DCUN1D1: variants seen among roughly 807,000 people sequenced by gnomAD.
The protein encoded by DCUN1D1 is DCN1-like protein 1.
DCUN1D1 carries 3 observed loss-of-function variants against 39.0 expected under a neutral mutation model. That is an observed-to-expected ratio of 0.08 (90% CI 0.04 to 0.20). The LOEUF (loss-of-function observed/expected upper bound fraction) is 0.20. Ranked by LOEUF, DCUN1D1 falls within the 10% of genes least tolerant of loss-of-function variation. DCUN1D1 has a pLI of 1.00. For missense variants in DCUN1D1, 158 were observed against 302.4 expected, an observed-to-expected ratio of 0.52 and a Z score of 3.54; for synonymous variants, 82 against 96.3, an observed-to-expected ratio of 0.85 and a Z score of 0.87.
chr3:182,970,142 T>A (rs1727857985), intron 1 of DCUN1D1, among the ~76,000 whole-genome samples: 1 of 152,000 alleles, frequency 6.6e-6, no homozygotes, highest in Admixed American at 6.6e-5. Context: ...CCTATAGTCC[T>A]AGCTACATGG....
chr3:182,985,526 G>A (rs1728702749), upstream of DCUN1D1: 1 of 152,396 alleles, frequency 6.6e-6, no homozygotes, highest in Non-Finnish European at 1.5e-5. Flanking sequence ...CTACTTGGGA[G>A]GCTGAGGCAG....
chr3:182,964,476 C>A (rs4859260), intron 2 of DCUN1D1, among the ~76,000 whole-genome samples: 110,521 of 151,916 alleles, frequency 0.73, 40,990 homozygotes, highest in Non-Finnish European at 0.77. Flanking sequence ...AAAACTGTGA[C>A]CTAAACTATG....
chr3:182,957,015 G>T (rs929561507), intron 4 of DCUN1D1, among the ~76,000 whole-genome samples: 1 of 152,172 alleles, frequency 6.6e-6, no homozygotes, highest in African/African-American at 2.4e-5. Context: ...TGGAATGCTG[G>T]CCTGGAGAAA....
rs1366985720 is a variant in DCUN1D1 at position 182,943,735 on chromosome 3, A to G, written c.*1359T>C. On this transcript the variant is annotated 3_prime_UTR_variant, in exon 7 of 7. Coordinates refer to ENST00000292782, the MANE Select transcript of DCUN1D1 (RefSeq NM_020640.4). ...TTAAGAAAGCAAGAAACCCTTCTTC[A>G]CATGTCAGTAAGTGAACAGGGAAAT... 6.6e-6 allele frequency: 1 copy of G among 152,620 alleles called. No individual in the cohort carries two copies. 9.5% of individuals were successfully genotyped at this position (152,620 alleles called of 1,614,324 possible).
In DCUN1D1 at chr3:182,943,671, T is replaced by C. The variant is rs935686300; in HGVS notation, c.*1423A>G. ...ATCAAAAGACCATAATCATCAAACA[T>C]TTGAAGTATTACATTTCTAGCCTGC... On this transcript the variant is annotated 3_prime_UTR_variant, in exon 7 of 7. Coordinates refer to ENST00000292782, the MANE Select transcript of DCUN1D1 (RefSeq NM_020640.4). 9 of 152,458 alleles carry C rather than the reference T, an allele frequency of 5.9e-5. No individual in the cohort carries two copies. Among genetic ancestry groups the C allele is most frequent in the African/African-American group, 2.2e-4 (9 of 41,434 alleles). The allele number at this position is 152,458 out of a possible 1,614,324, so 9.4% of individuals were successfully genotyped here.
intron 4 of DCUN1D1, among the ~76,000 whole-genome samples, chr3:182,954,377 T>A (rs940115790): frequency 1.3e-5 from 2 of 152,176 alleles, no homozygotes; most frequent in African/African-American, 4.8e-5. Context: ...AGCTAATTTA[T>A]ATCGTTTAGG....
At chr3:182,965,075 ATAT>A (rs1727603754) in intron 2 of DCUN1D1, among the ~76,000 whole-genome samples, 1 of 152,238 alleles carries the variant, frequency 6.6e-6, no homozygotes, top group Non-Finnish European at 1.5e-5. Flanking sequence ...AACTCTGTAA[ATAT>A]ATTTCTGCAT....
At chr3:182,956,262 G>T in intron 4 of DCUN1D1, 1 of 287,860 alleles carries the variant, frequency 3.5e-6, no homozygotes. Flanking sequence ...ATATTCTGGT[G>T]CTTCTGAGGC....
chr3:182,962,897 C>G (rs910793005), intron 3 of DCUN1D1, among the ~76,000 whole-genome samples: 4 of 152,200 alleles, frequency 2.6e-5, no homozygotes, highest in African/African-American at 9.7e-5. Flanking sequence ...TCTCCTGCCT[C>G]AGCCTCCCAA....
chr3:182,980,637 G>C (rs1367159912), upstream of DCUN1D1: 2 of 991,014 alleles, frequency 2.0e-6, no homozygotes, highest in Non-Finnish European at 1.2e-6. Flanking sequence ...GGCAGCCCCG[G>C]ACCTCGGGGA....
At chr3:182,945,941 C>T (rs550498097) in intron 6 of DCUN1D1, among the ~76,000 whole-genome samples, 19 of 151,980 alleles carry the variant, frequency 1.3e-4, no homozygotes, top group African/African-American at 4.1e-4. Context: ...TAAACGACAA[C>T]GAAATGAAGA....
At chr3:182,968,534 G>A (rs567553368) in intron 1 of DCUN1D1, among the ~76,000 whole-genome samples, 1 of 151,550 alleles carries the variant, frequency 6.6e-6, no homozygotes, top group South Asian at 2.1e-4. Context: ...TTATACAAAT[G>A]AATTAATTCC....
intron 2 of DCUN1D1, 49 bp downstream of exon 2, chr3:182,965,488 T>C (rs755604645): frequency 7.6e-7 from 1 of 1,309,684 alleles, no homozygotes; most frequent in South Asian, 1.3e-5. Context: ...GCCCATCTCT[T>C]TGGAAAATCT....
At chr3:182,974,315 C>G (rs1252312246) in intron 1 of DCUN1D1, among the ~76,000 whole-genome samples, 1 of 151,960 alleles carries the variant, frequency 6.6e-6, no homozygotes, top group Non-Finnish European at 1.5e-5. Context: ...AAAAAATAAC[C>G]ATCTTAAAAT....
intron 1 of DCUN1D1, among the ~76,000 whole-genome samples, chr3:182,970,526 A>G (rs1483362697): frequency 6.6e-6 from 1 of 152,160 alleles, no homozygotes; most frequent in Non-Finnish European, 1.5e-5. Context: ...CTCATCCTTA[A>G]GTTTATATTT....
chr3:182,945,031 CTG>C lies in DCUN1D1; in HGVS notation c.*61_*62del. ...GTTCAGTCCAGCCAGCAGAAATTGACTGTGCAATTTTCTGTTGTATTTATTGT... is the reference window on the plus strand; with the variant it reads ...GTTCAGTCCAGCCAGCAGAAATTGACTGCAATTTTCTGTTGTATTTATTGT... On this transcript the variant is annotated 3_prime_UTR_variant, in exon 7 of 7. Coordinates refer to ENST00000292782, the MANE Select transcript of DCUN1D1 (RefSeq NM_020640.4). 1 of 1,392,364 alleles carries C rather than the reference CTG, an allele frequency of 7.2e-7. No individual in the cohort carries two copies. The highest frequency in any genetic ancestry group is 1.0e-6 in the Non-Finnish European group (1 of 984,896). 86.3% of individuals were successfully genotyped at this position (1,392,364 alleles called of 1,614,324 possible).
At chr3:182,982,493 T>A (rs1404293100), upstream of DCUN1D1, among the ~76,000 whole-genome samples, 4 of 152,174 alleles carry the variant, frequency 2.6e-5, no homozygotes, top group Non-Finnish European at 2.9e-5. Flanking sequence ...TCCTGCCTTT[T>A]ATCAAATCAT....
intron 4 of DCUN1D1, among the ~76,000 whole-genome samples, chr3:182,953,444 T>C (rs1213629758): frequency 2.0e-5 from 3 of 152,206 alleles, no homozygotes. Context: ...GTTTACAGTA[T>C]GAGTTTTAGT....
At chr3:182,965,392 C>A in intron 2 of DCUN1D1, 145 bp downstream of exon 2, 2 of 493,862 alleles carry the variant, frequency 4.0e-6, no homozygotes, top group Non-Finnish European at 7.2e-6. Flanking sequence ...TTTCCTCAGA[C>A]CTCTTGAAAT....
Sources: allele counts gnomAD v4.1 joint callset (sites outside exome capture counted in the v4.1 genomes callset), GRCh38; gene constraint gnomAD v4.1.1; transcripts MANE v1.5; gene names NCBI Gene and HGNC (gene_info 2026-07-23, HGNC 2026-07-21).